TMEM26: variants seen among roughly 807,000 people sequenced by gnomAD.
The protein encoded by TMEM26 is transmembrane protein 26.
TMEM26 carries 38 observed loss-of-function variants against 28.8 expected under a neutral mutation model. The observed-to-expected ratio is 1.32, with a 90% CI of 1.02 to 1.73. The LOEUF (loss-of-function observed/expected upper bound fraction) is 1.73, where lower values mean the gene tolerates loss of function less well. Among genes scored for constraint, TMEM26 ranks in the 40% most tolerant of loss-of-function variants. The pLI, the probability that TMEM26 is intolerant of heterozygous loss-of-function variation, is 0.00. For missense variants in TMEM26, 518 were observed against 447.1 expected, an observed-to-expected ratio of 1.16 and a Z score of -1.43; for synonymous variants, 227 against 182.9, an observed-to-expected ratio of 1.24 and a Z score of -1.95.
intron 1 of TMEM26, among the ~76,000 whole-genome samples, chr10:61,436,887 G>A (rs1840017534): frequency 6.6e-6 from 1 of 152,192 alleles, no homozygotes; most frequent in South Asian, 2.1e-4. Flanking sequence ...GGAATCCGAA[G>A]AGTGGACTTC....
intron 4 of TMEM26, among the ~76,000 whole-genome samples, chr10:61,416,732 A>C (rs918099077): frequency 1.3e-5 from 2 of 152,044 alleles, no homozygotes; most frequent in African/African-American, 4.8e-5. Context: ...ACTTCTTAGC[A>C]CACAAAAAGT....
At position 61,408,739 on chromosome 10, in the gene TMEM26, A is replaced by G. The variant is rs1476427058; in HGVS notation, c.*1583T>C. 6 of 152,212 alleles carry G rather than the reference A, an allele frequency of 3.9e-5. No homozygotes were observed. Among genetic ancestry groups the G allele is most frequent in the African/African-American group, 1.4e-4 (6 of 41,460 alleles). 9.4% of individuals were successfully genotyped at this position (152,212 alleles called of 1,614,324 possible). On this transcript the variant is annotated 3_prime_UTR_variant, in exon 6 of 6. Coordinates refer to ENST00000399298, the MANE Select transcript of TMEM26 (RefSeq NM_178505.8). ...ATCATAAATGTATTCCATTAGTTCC[A>G]TGTGTCATTTTATAGTCATTATATT... is the stretch of plus-strand genomic sequence containing the variant.
rs1455264670 is a variant in TMEM26 at position 61,407,143 on chromosome 10, T to G, written c.*3179A>C. On this transcript the variant is annotated 3_prime_UTR_variant, in exon 6 of 6. Transcript: ENST00000399298. ...GTAACAGGAAAAGTTGGTTAAGAAT[T>G]ATCAAGAATTAAATACCAAACATTA... The G allele has an allele frequency of 1.3e-5, 2 of 152,142 alleles. No individual in the cohort carries two copies. The highest frequency in any genetic ancestry group is 1.5e-5 in the Non-Finnish European group (1 of 68,004). The allele number at this position is 152,142 out of a possible 1,614,324, so 9.4% of individuals were successfully genotyped here. A position where few individuals can be genotyped will look rare whatever the true frequency, so the allele number is the denominator to read the frequency against.
chr10:61,446,893 CACA>C (rs1840193067), intron 1 of TMEM26, among the ~76,000 whole-genome samples: 2 of 96,212 alleles, frequency 2.1e-5, no homozygotes, highest in Non-Finnish European at 4.4e-5. Context: ...GACACAGAAA[CACA>C]GAAACACAGA....
At chr10:61,439,315 T>C (rs1840055823) in intron 1 of TMEM26, among the ~76,000 whole-genome samples, 1 of 152,242 alleles carries the variant, frequency 6.6e-6, no homozygotes, top group Admixed American at 6.5e-5. Context: ...CTGGGTCTTA[T>C]ATATTCCTTA....
At position 61,446,411 on chromosome 10, in the gene TMEM26, T is replaced by A. The variant is rs188074312; in HGVS notation, c.191+6480A>T. Among the ~76,000 whole-genome samples, 195 of 152,302 alleles carry A rather than the reference T, an allele frequency of 1.3e-3. 3 individuals are homozygous for A. Among genetic ancestry groups the A allele is most frequent in the Admixed American group, 4.8e-3 (73 of 15,302 alleles). On this transcript the variant is annotated intron_variant, in intron 1 of 5. Transcript: ENST00000399298. ...TAACAAATACAAGCAAACCTTGGTT[T>A]CAGATATCTCAATAAAGCAGATCAC...
rs115114011 is a variant in TMEM26 at position 61,440,539 on chromosome 10, G to A, written c.192-4291C>T. 5.5e-3 allele frequency among the ~76,000 whole-genome samples: 755 copies of A among 138,058 alleles called. 12 individuals are homozygous for A. Among genetic ancestry groups the A allele is most frequent in the African/African-American group, 0.019 (712 of 37,924 alleles). 90.6% of individuals were successfully genotyped at this position (138,058 alleles called of 152,430 possible). A position where few individuals can be genotyped will look rare whatever the true frequency, so the allele number is the denominator to read the frequency against. ...CAAAAAAAAAAAAAAAAAAAAGCAAGTGCTGTCCCAACTGAAGCCCTCACA... is the reference window on the plus strand; with the variant it reads ...CAAAAAAAAAAAAAAAAAAAAGCAAATGCTGTCCCAACTGAAGCCCTCACA... On this transcript the variant is annotated intron_variant, in intron 1 of 5. Coordinates refer to ENST00000399298, the MANE Select transcript of TMEM26 (RefSeq NM_178505.8).
intron 1 of TMEM26, among the ~76,000 whole-genome samples, chr10:61,447,692 G>C (rs1438649229): frequency 1.3e-5 from 2 of 152,114 alleles, no homozygotes; most frequent in Non-Finnish European, 2.9e-5. Context: ...TCGGTCATTT[G>C]AGGGTATGTC....
Position 61,408,378 on chromosome 10 carries a change from TA to T in TMEM26, c.*1943del, listed in dbSNP as rs1839521853. 6.6e-6 allele frequency: 1 copy of T among 152,310 alleles called. No individual in the cohort carries two copies. The highest frequency in any genetic ancestry group is 1.5e-5 in the Non-Finnish European group (1 of 68,024). 9.4% of individuals were successfully genotyped at this position (152,310 alleles called of 1,614,324 possible). Reference sequence around the variant, plus strand: ...GCCAAGTCTCAGATTTGAAAGCATTTAAAAATATCCTTGCAACAGCCGTACT... The same window carrying T: ...GCCAAGTCTCAGATTTGAAAGCATTTAAAATATCCTTGCAACAGCCGTACT... On this transcript the variant is annotated 3_prime_UTR_variant, in exon 6 of 6. Transcript: ENST00000399298.
intron 1 of TMEM26, among the ~76,000 whole-genome samples, chr10:61,442,716 T>C (rs1302869441): frequency 2.0e-5 from 3 of 152,302 alleles, no homozygotes; most frequent in Admixed American, 6.5e-5. Flanking sequence ...CAGGTCATGA[T>C]ATTCTTTTCT....
intron 1 of TMEM26, among the ~76,000 whole-genome samples, chr10:61,443,357 C>G (rs371605504): frequency 6.7e-6 from 1 of 150,198 alleles, no homozygotes; most frequent in African/African-American, 2.5e-5. Context: ...CCCAGCTACT[C>G]GGGAGGCTGA....
At chr10:61,418,527 A>G (rs1039244256) in intron 4 of TMEM26, among the ~76,000 whole-genome samples, 13 of 152,214 alleles carry the variant, frequency 8.5e-5, no homozygotes, top group African/African-American at 3.1e-4. Context: ...ATAGTCAGCA[A>G]AAAAACAAAA....
chr10:61,417,896 A>T (rs191277704), intron 4 of TMEM26, among the ~76,000 whole-genome samples: 6 of 152,164 alleles, frequency 3.9e-5, no homozygotes, highest in African/African-American at 1.4e-4. Context: ...TATAATACTT[A>T]AAAAATTGTC....
At position 61,436,178 on chromosome 10, in the gene TMEM26, C is replaced by G. The variant is rs573061733; in HGVS notation, c.262G>C (p.Glu88Gln). 4.4e-6 allele frequency: 7 copies of G among 1,602,978 alleles called. No individual in the cohort carries two copies. The Admixed American group carries it at 1.2e-4, about 27-fold the overall frequency. Residue 88 changes from glutamate to glutamine, a missense_variant, in exon 2 of 6, where the codon GAG becomes CAG. By Grantham distance (29) the Glu-to-Gln change is conservative. Transcript: ENST00000399298. The stretch of plus-strand genomic sequence containing the variant: ...TTTCCAAAAAGAAGTACCTGGGTCT[C>G]ATGGTGCAATTCAAGAAGCCATAAT... ...PSLWLLELHH[E>Q]TQYCSIQAEG...
intron 1 of TMEM26, chr10:61,452,585 G>A (rs1362895853): frequency 6.2e-6 from 2 of 322,654 alleles, no homozygotes; most frequent in Non-Finnish European, 1.2e-5. Flanking sequence ...CTATTTGCGG[G>A]CACATTCAGC....
chr10:61,419,763 A>C (rs1010394382), intron 4 of TMEM26, among the ~76,000 whole-genome samples: 2 of 152,130 alleles, frequency 1.3e-5, no homozygotes, highest in African/African-American at 4.8e-5. Context: ...AGAGGAGAAA[A>C]TATTTAGAGA....
chr10:61,452,754 C>G, intron 1 of TMEM26, 137 bp downstream of exon 1: 1 of 1,149,256 alleles, frequency 8.7e-7, no homozygotes, highest in South Asian at 1.4e-5. Context: ...CATCTCGCGC[C>G]TTCCAAGCGA....
chr10:61,441,227 G>A (rs1840087606), intron 1 of TMEM26, among the ~76,000 whole-genome samples: 1 of 152,254 alleles, frequency 6.6e-6, no homozygotes, highest in Non-Finnish European at 1.5e-5. Flanking sequence ...TTAGTGATTC[G>A]ATAAGGCTCT....
intron 1 of TMEM26, among the ~76,000 whole-genome samples, chr10:61,450,982 C>T (rs556770874): frequency 2.7e-4 from 41 of 152,244 alleles, no homozygotes; most frequent in Admixed American, 9.8e-4. Flanking sequence ...TCTCTAATCA[C>T]CTATGAGGTA....
Sources: allele counts gnomAD v4.1 joint callset (sites outside exome capture counted in the v4.1 genomes callset), GRCh38; gene constraint gnomAD v4.1.1; transcripts MANE v1.5; gene names NCBI Gene and HGNC (gene_info 2026-07-23, HGNC 2026-07-21).